Variants in LRP1B observed in about 807,000 individuals in gnomAD.
LRP1B encodes LDL receptor related protein 1B, also known as low-density lipoprotein receptor-related protein 1B.
A neutral mutation model predicts 556.6 loss-of-function variants in LRP1B; 217 were observed. The observed-to-expected ratio is 0.39, with a 90% CI of 0.35 to 0.44. LRP1B has a LOEUF of 0.44. LRP1B is among the 20% of genes least tolerant of loss of function. The pLI, the probability that LRP1B is intolerant of heterozygous loss-of-function variation, is 1.00. For missense variants in LRP1B, 5,053 were observed against 5,620.8 expected (o/e 0.90, Z 3.23); for synonymous variants, 2,047 against 1,865.8 (o/e 1.10, Z -2.50).
At chr2:140,517,975 C>G (rs940175247) in intron 49 of LRP1B, among the ~76,000 whole-genome samples, 2 of 152,014 alleles carry the variant, frequency 1.3e-5, no homozygotes, top group Non-Finnish European at 2.9e-5. Context: ...TCCCAAAGTG[C>G]TGGGATTACA....
intron 1 of LRP1B, among the ~76,000 whole-genome samples, chr2:142,112,741 T>C (rs1447056532): frequency 6.6e-6 from 1 of 152,118 alleles, no homozygotes; most frequent in African/African-American, 2.4e-5. Flanking sequence ...ACTCTTCGAA[T>C]TGGTTCTGAT....
chr2:140,295,653 C>A (rs560993207), intron 84 of LRP1B, among the ~76,000 whole-genome samples: 1 of 152,202 alleles, frequency 6.6e-6, no homozygotes, highest in Admixed American at 6.5e-5. Flanking sequence ...TATTCAGAAG[C>A]CTATTTATTT....
At chr2:141,260,408 C>T (rs1291450151) in intron 3 of LRP1B, among the ~76,000 whole-genome samples, 3 of 152,172 alleles carry the variant, frequency 2.0e-5, no homozygotes, top group Non-Finnish European at 4.4e-5. Context: ...CAAATGTATG[C>T]GAGTATATGA....
chr2:141,834,872 C>A (rs1365077980), intron 1 of LRP1B, among the ~76,000 whole-genome samples: 1 of 151,786 alleles, frequency 6.6e-6, no homozygotes, highest in East Asian at 1.9e-4. Context: ...CAAAAAAGTG[C>A]AGAGTGAATA....
chr2:140,405,140 G>A (rs1300246096), intron 66 of LRP1B, among the ~76,000 whole-genome samples: 2 of 152,222 alleles, frequency 1.3e-5, no homozygotes, highest in African/African-American at 4.8e-5. Context: ...AAATCAAGAT[G>A]CAAATGAAAA....
intron 86 of LRP1B, among the ~76,000 whole-genome samples, chr2:140,260,939 G>A (rs892416031): frequency 4.6e-5 from 7 of 151,070 alleles, no homozygotes; most frequent in Admixed American, 4.0e-4. Context: ...TGTCTGTTTT[G>A]TTCACTGATA....
chr2:140,838,563 G>A (rs951816997), intron 31 of LRP1B, among the ~76,000 whole-genome samples: 1 of 151,924 alleles, frequency 6.6e-6, no homozygotes, highest in Non-Finnish European at 1.5e-5. Context: ...TCATCACTAT[G>A]AAAAATGTGC....
At chr2:141,185,303 T>TC (rs1681192691) in intron 7 of LRP1B, among the ~76,000 whole-genome samples, 2 of 152,004 alleles carry the variant, frequency 1.3e-5, no homozygotes, top group South Asian at 4.1e-4. Context: ...CAGCATCAAG[T>TC]TCATAACCAT....
intron 7 of LRP1B, among the ~76,000 whole-genome samples, chr2:141,183,690 G>T (rs1681112649): frequency 6.6e-6 from 1 of 151,960 alleles, no homozygotes; most frequent in African/African-American, 2.4e-5. Context: ...GGTATATGTT[G>T]TCCTTGGAAA....
intron 27 of LRP1B, among the ~76,000 whole-genome samples, chr2:140,856,941 G>A (rs1692638094): frequency 6.6e-6 from 1 of 152,054 alleles, no homozygotes; most frequent in African/African-American, 2.4e-5. Flanking sequence ...CATAGCTTCA[G>A]GTGAAAAGAT....
intron 1 of LRP1B, among the ~76,000 whole-genome samples, chr2:142,042,459 C>T (rs1704096563): frequency 6.6e-6 from 1 of 151,320 alleles, no homozygotes; most frequent in Non-Finnish European, 1.5e-5. Context: ...GAAGTTTTAT[C>T]CTCTTAAAAC....
At chr2:142,049,856 G>A (rs1235345181) in intron 1 of LRP1B, among the ~76,000 whole-genome samples, 5 of 152,124 alleles carry the variant, frequency 3.3e-5, no homozygotes, top group African/African-American at 9.7e-5. Flanking sequence ...GTACAAAGAT[G>A]AAAATACAGA....
At chr2:142,083,983 CT>C (rs113213864) in intron 1 of LRP1B, among the ~76,000 whole-genome samples, 1,722 of 141,548 alleles carry the variant, frequency 0.012, 25 homozygotes, top group East Asian at 0.037. Context: ...TTCTCTATGC[CT>C]TTTTTTTTTT....
chr2:141,631,623 G>A (rs902219733), intron 2 of LRP1B, among the ~76,000 whole-genome samples: 1 of 151,384 alleles, frequency 6.6e-6, no homozygotes, highest in African/African-American at 2.4e-5. Flanking sequence ...TAAAACAGAG[G>A]AAGTTCCTCT....
chr2:141,953,328 T>C (rs1701162606), intron 1 of LRP1B, among the ~76,000 whole-genome samples: 1 of 152,128 alleles, frequency 6.6e-6, no homozygotes, highest in Non-Finnish European at 1.5e-5. Context: ...TACTTTTATA[T>C]TGAGTAGATT....
At chr2:141,825,775 A>C (rs868217206) in intron 1 of LRP1B, among the ~76,000 whole-genome samples, 6 of 152,208 alleles carry the variant, frequency 3.9e-5, no homozygotes, top group African/African-American at 1.4e-4. Context: ...TAGTTTATTA[A>C]AAAGAAGAGG....
chr2:141,759,205 T>G (rs1256045505), intron 2 of LRP1B, among the ~76,000 whole-genome samples: 1 of 152,014 alleles, frequency 6.6e-6, no homozygotes, highest in Admixed American at 6.6e-5. Context: ...AGATAAAAAG[T>G]TCATATGAAC....
At chr2:140,904,565 A>T (rs1340339470) in intron 22 of LRP1B, among the ~76,000 whole-genome samples, 2 of 151,954 alleles carry the variant, frequency 1.3e-5, no homozygotes, top group African/African-American at 4.8e-5. Context: ...ATATGGGTCA[A>T]CTCTTCTTCA....
intron 1 of LRP1B, among the ~76,000 whole-genome samples, chr2:141,997,667 A>ATG (rs1182345250): frequency 1.0e-4 from 15 of 144,110 alleles, no homozygotes; most frequent in African/African-American, 3.5e-4. Context: ...ATATATATAT[A>ATG]TAGCCTTTAT....
Sources: gnomAD v4.1 joint callset for allele counts (sites outside exome capture counted in the v4.1 genomes callset) on GRCh38, gnomAD v4.1.1 for gene constraint, MANE v1.5 for transcripts, NCBI Gene and HGNC (gene_info 2026-07-23, HGNC 2026-07-21) for gene names.